XYLB: variants seen among roughly 807,000 people sequenced by gnomAD.
The protein encoded by XYLB is xylulose kinase.
In XYLB, 62 loss-of-function variants were observed where a neutral mutation model predicts 78.7. That is an observed-to-expected ratio of 0.79 (90% CI 0.64 to 0.97). The LOEUF (loss-of-function observed/expected upper bound fraction) is 0.97. Among genes scored for constraint, XYLB ranks in the 50% least tolerant of loss-of-function variants. The pLI, the probability that XYLB is intolerant of heterozygous loss-of-function variation, is 0.00. For synonymous variants in XYLB, 245 were observed against 247.4 expected (o/e 0.99, Z 0.09); for missense variants, 687 against 676.8 (o/e 1.02, Z -0.17).
At chr3:38,419,297 G>A (rs565492128), downstream of XYLB, among the ~76,000 whole-genome samples, 12 of 152,080 alleles carry the variant, frequency 7.9e-5, no homozygotes, top group Non-Finnish European at 1.2e-4. Context: ...ACCACATCCT[G>A]TTTATCCATT....
At chr3:38,419,948 TA>T (rs1708924753), downstream of XYLB, among the ~76,000 whole-genome samples, 1 of 151,848 alleles carries the variant, frequency 6.6e-6, no homozygotes, top group African/African-American at 2.4e-5. Context: ...GCCTCCCGAG[TA>T]ACTGGGATTA....
intron 18 of XYLB, among the ~76,000 whole-genome samples, chr3:38,403,592 A>G (rs1708201377): frequency 1.3e-5 from 2 of 152,252 alleles, no homozygotes; most frequent in African/African-American, 4.8e-5. Flanking sequence ...AGGGAGAAAA[A>G]TACTGGCCTA....
At chr3:38,377,033 G>T (rs1015335068) in intron 14 of XYLB, 42 bp downstream of exon 14, 28 of 1,544,088 alleles carry the variant, frequency 1.8e-5, no homozygotes, top group Non-Finnish European at 2.5e-5. Context: ...GGCTCCATTT[G>T]TGAGTGTAAA....
intron 15 of XYLB, among the ~76,000 whole-genome samples, chr3:38,385,711 G>C (rs1199393106): frequency 2.6e-5 from 4 of 152,084 alleles, no homozygotes; most frequent in Non-Finnish European, 5.9e-5. Context: ...ATAGCTTCTA[G>C]TATAAAAAAA....
the XYLB span, among the ~76,000 whole-genome samples, chr3:38,433,524 T>C: frequency 6.6e-6 from 1 of 152,220 alleles, no homozygotes; most frequent in Non-Finnish European, 1.5e-5. Flanking sequence ...TTTGAACGCT[T>C]TGTCAATTAG....
rs191078830 is a variant in XYLB, at chr3:38,402,120, A to G, written c.1533+1135A>G. 3.3e-5 allele frequency among the ~76,000 whole-genome samples: 5 copies of G among 152,292 alleles called. No homozygotes were observed. In the South Asian group the frequency reaches 8.3e-4, roughly 25 times the overall value. On this transcript the variant is annotated intron_variant, in intron 18 of 18. Coordinates refer to ENST00000207870, the MANE Select transcript of XYLB (RefSeq NM_005108.4). ...CCACAGGGTGATGCAAAGTGGGCCCAGGTGGATACTGGCACATAATAGTCT... is the reference window on the plus strand; with the variant it reads ...CCACAGGGTGATGCAAAGTGGGCCCGGGTGGATACTGGCACATAATAGTCT...
In XYLB at chr3:38,347,413, C is replaced by T. The variant is rs540609858; in HGVS notation, c.57+488C>T. On this transcript the variant is annotated intron_variant, in intron 1 of 18. Coordinates refer to ENST00000207870, the MANE Select transcript of XYLB (RefSeq NM_005108.4). Reference sequence around the variant, plus strand: ...TTGAAATGGCCCAGGCCTGGTGGCTCTTGCCGGTAATCCCAGCACTTTGGG... The same window carrying T: ...TTGAAATGGCCCAGGCCTGGTGGCTTTTGCCGGTAATCCCAGCACTTTGGG... 5.3e-5 allele frequency among the ~76,000 whole-genome samples: 8 copies of T among 152,308 alleles called. No homozygotes were observed. In the East Asian group the frequency reaches 7.7e-4, roughly 15 times the overall value.
At chr3:38,366,923 A>G in intron 7 of XYLB, 50 bp downstream of exon 7, 1 of 1,293,400 alleles carries the variant, frequency 7.7e-7, no homozygotes, top group Non-Finnish European at 1.1e-6. Flanking sequence ...AATTCTTTTC[A>G]TAATATGTTA....
rs1268734237 is a variant in XYLB at position 38,365,252 on chromosome 3, A to G, written c.345A>G (p.Leu115=). The G allele has an allele frequency of 6.2e-7, 1 of 1,614,234 alleles. No homozygotes were observed. Among genetic ancestry groups the G allele is most frequent in the Non-Finnish European group, 8.5e-7 (1 of 1,180,044 alleles). Residue 115 remains leucine (L), a synonymous_variant, in exon 5 of 19, where the codon TTA becomes TTG. Transcript: ENST00000207870. ...GAGCCCAGCAGGCACTGACAAGCTT[A>G]TCACCAGACCTCCGGCTACACCAGC... is the stretch of plus-strand genomic sequence containing the variant. ...KAGAQQALTS[L]SPDLRLHQQL...
chr3:38,351,002 G>A (rs6771611), intron 2 of XYLB, among the ~76,000 whole-genome samples: 10,299 of 151,204 alleles, frequency 0.068, 416 homozygotes, highest in Middle Eastern at 0.12. Context: ...AAATTAGCTG[G>A]ACGTGGTGGC....
chr3:38,352,783 T>C (rs566015949), intron 2 of XYLB, among the ~76,000 whole-genome samples: 6 of 152,092 alleles, frequency 3.9e-5, no homozygotes, highest in African/African-American at 1.4e-4. Context: ...TACTCCAGTT[T>C]GAGGGACAGA....
chr3:38,450,433 A>G, the XYLB span, among the ~76,000 whole-genome samples: 3 of 152,142 alleles, frequency 2.0e-5, no homozygotes, highest in African/African-American at 4.8e-5. Flanking sequence ...ATTCTTCTCA[A>G]TTCCTTGGTT....
At chr3:38,359,409 T>C (rs1705849849) in intron 2 of XYLB, among the ~76,000 whole-genome samples, 1 of 152,236 alleles carries the variant, frequency 6.6e-6, no homozygotes. Flanking sequence ...GCAGAAATCC[T>C]GTTTATGGCC....
intron 18 of XYLB, among the ~76,000 whole-genome samples, chr3:38,404,719 G>C (rs1708243314): frequency 6.6e-6 from 1 of 152,194 alleles, no homozygotes; most frequent in Non-Finnish European, 1.5e-5. Context: ...CCAGCTACTT[G>C]AGAGGTTCAG....
At chr3:38,419,578 T>TTATATATATATATATATATATATATA (rs67869604), downstream of XYLB, among the ~76,000 whole-genome samples, 120 of 68,210 alleles carry the variant, frequency 1.8e-3, 3 homozygotes, top group African/African-American at 4.5e-3. Flanking sequence ...TTATTTTTCT[T>TTATATATATATATATATATATATATA]TATATATATA....
At chr3:38,417,183 C>T (rs189040244), downstream of XYLB, among the ~76,000 whole-genome samples, 9 of 152,270 alleles carry the variant, frequency 5.9e-5, no homozygotes, top group Admixed American at 5.9e-4. Flanking sequence ...CACCTGTAAT[C>T]CCAGCACTTT....
intron 1 of XYLB, 79 bp downstream of exon 1, chr3:38,347,004 G>C (rs2125538540): frequency 7.7e-7 from 1 of 1,300,406 alleles, no homozygotes; most frequent in East Asian, 3.2e-5. Context: ...TCACCCGGAC[G>C]CGGGAAAACA....
chr3:38,436,820 A>G, the XYLB span, among the ~76,000 whole-genome samples: 1 of 151,966 alleles, frequency 6.6e-6, no homozygotes, highest in East Asian at 1.9e-4. Flanking sequence ...CCTGGTCAAC[A>G]TGGTGAAAAC....
intron 18 of XYLB, among the ~76,000 whole-genome samples, chr3:38,403,887 A>G (rs2125661999): frequency 6.6e-6 from 1 of 152,166 alleles, no homozygotes; most frequent in African/African-American, 2.4e-5. Flanking sequence ...ATTGGATCCA[A>G]ATGTAACCTC....
Sources: gnomAD v4.1 joint callset for allele counts (sites outside exome capture counted in the v4.1 genomes callset) on GRCh38, gnomAD v4.1.1 for gene constraint, MANE v1.5 for transcripts, NCBI Gene and HGNC (gene_info 2026-07-23, HGNC 2026-07-21) for gene names.